The following ATP6V1C1 variants were observed in gnomAD, a reference collection of about 807,000 sequenced individuals.
ATP6V1C1 encodes the protein ATPase H+ transporting V1 subunit C1.
In ATP6V1C1, 45 loss-of-function variants were observed where a neutral mutation model predicts 53.9. The observed-to-expected ratio is 0.83, with a 90% CI of 0.66 to 1.07. ATP6V1C1 has a LOEUF of 1.07. Ranked by LOEUF, ATP6V1C1 falls within the 50% of genes least tolerant of loss-of-function variation. ATP6V1C1 has a pLI of 0.00. For missense variants in ATP6V1C1, 315 were observed against 440.3 expected (o/e 0.72, Z 2.55); for synonymous variants, 153 against 155.2 (o/e 0.99, Z 0.11).
In ATP6V1C1 at chr8:103,041,322, T is replaced by C. The variant is rs532789060; in HGVS notation, c.132+354T>C. ...TAGTAAATTTATATTATGCTGATTC[T>C]TACATTGTAAATGTGTTACCATGGC... On this transcript the variant is annotated intron_variant, in intron 2 of 12. Coordinates refer to ENST00000518738, the MANE Select transcript of ATP6V1C1 (RefSeq NM_001695.5). 1.3e-3 allele frequency among the ~76,000 whole-genome samples: 196 copies of C among 152,350 alleles called. 2 individuals are homozygous for C. In the Middle Eastern group the frequency reaches 0.031, roughly 24 times the overall value.
chr8:103,039,165 A>G (rs776814857), intron 1 of ATP6V1C1, among the ~76,000 whole-genome samples: 4 of 152,200 alleles, frequency 2.6e-5, no homozygotes, highest in Non-Finnish European at 4.4e-5. Flanking sequence ...AATGGGAAGC[A>G]TGATATTTAC....
chr8:103,047,412 A>AG (rs1432885769), intron 3 of ATP6V1C1, among the ~76,000 whole-genome samples: 1 of 132,236 alleles, frequency 7.6e-6, no homozygotes, highest in Non-Finnish European at 1.6e-5. Flanking sequence ...CTCTTAAAAA[A>AG]AAAAAAAAAA....
At chr8:103,027,834 T>C (rs1402443012) in intron 1 of ATP6V1C1, among the ~76,000 whole-genome samples, 1 of 152,074 alleles carries the variant, frequency 6.6e-6, no homozygotes, top group Non-Finnish European at 1.5e-5. Flanking sequence ...CATGAAGTCT[T>C]CCTCCCACCC....
Position 103,063,131 on chromosome 8 carries a change from T to G in ATP6V1C1, c.735-4T>G. 1 of 1,612,780 alleles carries G rather than the reference T, an allele frequency of 6.2e-7. No homozygotes were observed. Among genetic ancestry groups the G allele is most frequent in the African/African-American group, 1.3e-5 (1 of 74,954 alleles). ...CAATTTTGTTTTTTTTCCCCCAAAT[T>G]TAGATTCATTGTTCGTGACTTCCAG... is the stretch of plus-strand genomic sequence containing the variant. On this transcript the variant is annotated splice_polypyrimidine_tract_variant and splice_region_variant and intron_variant, in intron 9 of 12. Coordinates refer to ENST00000518738, the MANE Select transcript of ATP6V1C1 (RefSeq NM_001695.5).
chr8:103,066,910 G>A (rs1485708072), intron 12 of ATP6V1C1, among the ~76,000 whole-genome samples: 1 of 151,674 alleles, frequency 6.6e-6, no homozygotes, highest in Non-Finnish European at 1.5e-5. Flanking sequence ...AGGCTGAGGC[G>A]GGAGGATCAC....
intron 2 of ATP6V1C1, among the ~76,000 whole-genome samples, chr8:103,041,470 C>G (rs1816999565): frequency 6.6e-6 from 1 of 152,124 alleles, no homozygotes; most frequent in South Asian, 2.1e-4. Flanking sequence ...GTCCAGTAAT[C>G]AGTTGATGGA....
At position 103,072,730 on chromosome 8, in the gene ATP6V1C1, G is replaced by A. The variant is rs1385126354; in HGVS notation, c.*3983G>A. On this transcript the variant is annotated 3_prime_UTR_variant, in exon 13 of 13. Coordinates refer to ENST00000518738, the MANE Select transcript of ATP6V1C1 (RefSeq NM_001695.5). ...ATTCACCAGTGGATTTACCCTTAGAGTATTTTTAGATCTGAGCTGATGACT... is the reference window on the plus strand; with the variant it reads ...ATTCACCAGTGGATTTACCCTTAGAATATTTTTAGATCTGAGCTGATGACT... 1.3e-5 allele frequency: 2 copies of A among 152,202 alleles called. No homozygotes were observed. The highest frequency in any genetic ancestry group is 2.9e-5 in the Non-Finnish European group (2 of 68,052). The allele number at this position is 152,202 out of a possible 1,614,324, so 9.4% of individuals were successfully genotyped here.
intron 11 of ATP6V1C1, 148 bp downstream of exon 11, chr8:103,064,959 A>G: frequency 1.6e-6 from 1 of 631,934 alleles, no homozygotes. Context: ...CAGTATCATC[A>G]TACAGCTTAT....
rs1817433672 is a variant in ATP6V1C1 at position 103,063,197 on chromosome 8, A to G, written c.797A>G (p.Asn266Ser). ...ATGAAAGCAGATAAAGAAGAAATGA[A>G]CAGGCTTTCTACTGATAAGAAAAAA... ...EEMKADKEEM[N>S]RLSTDKKKQF... Residue 266 changes from asparagine (N) to serine (S), a missense_variant, in exon 10 of 13, where the codon AAC becomes AGC. Physicochemically the swap from Asn to Ser is conservative, Grantham distance 46. Coordinates refer to ENST00000518738, the MANE Select transcript of ATP6V1C1 (RefSeq NM_001695.5). 6.2e-7 allele frequency: 1 copy of G among 1,611,442 alleles called. No homozygotes were observed. The highest frequency in any genetic ancestry group is 1.1e-5 in the South Asian group (1 of 90,900).
intron 11 of ATP6V1C1, 61 bp from the exon 12 acceptor site, chr8:103,066,260 A>G: frequency 6.5e-7 from 1 of 1,540,846 alleles, no homozygotes; most frequent in Non-Finnish European, 8.7e-7. Flanking sequence ...ATTTGCTTTG[A>G]AAAGAAAATC....
At chr8:103,065,690 A>G (rs1049852374) in intron 11 of ATP6V1C1, among the ~76,000 whole-genome samples, 3 of 152,198 alleles carry the variant, frequency 2.0e-5, no homozygotes, top group African/African-American at 7.2e-5. Context: ...TATTACCATA[A>G]AAGTATCTGC....
intron 3 of ATP6V1C1, among the ~76,000 whole-genome samples, chr8:103,044,921 T>G (rs1182452574): frequency 6.6e-6 from 1 of 152,134 alleles, no homozygotes; most frequent in Non-Finnish European, 1.5e-5. Context: ...GTTGGAAGAG[T>G]TTTTCTAAAT....
chr8:103,026,923 T>TA (rs1423795443), intron 1 of ATP6V1C1, among the ~76,000 whole-genome samples: 2 of 152,240 alleles, frequency 1.3e-5, no homozygotes, highest in African/African-American at 4.8e-5. Context: ...TGAAAATGTT[T>TA]AAACAAGTTG....
chr8:103,064,431 C>T, intron 10 of ATP6V1C1: 2 of 203,232 alleles, frequency 9.8e-6, no homozygotes, highest in East Asian at 1.1e-4. Flanking sequence ...TATTTTGTAC[C>T]ATTTTAACTA....
chr8:103,023,518 C>G (rs568065111), intron 1 of ATP6V1C1, among the ~76,000 whole-genome samples: 13 of 152,050 alleles, frequency 8.5e-5, no homozygotes, highest in African/African-American at 3.1e-4. Flanking sequence ...GTAGTCGTAA[C>G]TACCCTCGAG....
intron 4 of ATP6V1C1, among the ~76,000 whole-genome samples, chr8:103,049,693 T>C (rs1016103953): frequency 3.3e-5 from 5 of 152,138 alleles, no homozygotes; most frequent in African/African-American, 9.7e-5. Context: ...TCCCAGCACA[T>C]TGGGAGGCTG....
intron 1 of ATP6V1C1, among the ~76,000 whole-genome samples, chr8:103,030,167 A>G (rs1024115375): frequency 1.3e-5 from 2 of 152,170 alleles, no homozygotes; most frequent in Non-Finnish European, 2.9e-5. Context: ...TTAAACAAAA[A>G]TGAACATTTT....
intron 1 of ATP6V1C1, among the ~76,000 whole-genome samples, chr8:103,034,279 G>A (rs1369629872): frequency 3.3e-5 from 5 of 152,116 alleles, no homozygotes; most frequent in Non-Finnish European, 7.4e-5. Flanking sequence ...CCTCTGTTTA[G>A]CATATGATTT....
At chr8:103,056,614 C>T (rs950379184) in intron 8 of ATP6V1C1, among the ~76,000 whole-genome samples, 1 of 152,168 alleles carries the variant, frequency 6.6e-6, no homozygotes, top group African/African-American at 2.4e-5. Context: ...TGTCCAATGG[C>T]AGAGTTAGGG....
Sources: allele counts gnomAD v4.1 joint callset (sites outside exome capture counted in the v4.1 genomes callset), GRCh38; gene constraint gnomAD v4.1.1; transcripts MANE v1.5; gene names NCBI Gene and HGNC (gene_info 2026-07-23, HGNC 2026-07-21).